Variants in TECPR2 observed in about 807,000 individuals in gnomAD.
TECPR2 encodes the protein tectonin beta-propeller repeat-containing protein 2.
Under a neutral mutation model 138.1 loss-of-function variants are expected in TECPR2, and 65 were observed. That is an observed-to-expected ratio of 0.47 (90% confidence interval 0.39 to 0.58). TECPR2 has a LOEUF of 0.58. TECPR2 is among the 20% of genes least tolerant of loss of function. The probability of loss-of-function intolerance (pLI) is 0.00; values close to 1 mark genes in which losing one functional copy is unlikely to be tolerated. For synonymous variants in TECPR2, 746 were observed against 749.8 expected (o/e 0.99, Z 0.08); for missense variants, 1,553 against 1,824.5 (o/e 0.85, Z 2.71).
intron 17 of TECPR2, among the ~76,000 whole-genome samples, chr14:102,487,552 T>C (rs1002594594): frequency 5.9e-5 from 9 of 152,050 alleles, no homozygotes; most frequent in Non-Finnish European, 1.0e-4. Flanking sequence ...TTTCTTTTCT[T>C]TTTTTTTGAG....
At chr14:102,465,732 G>T in intron 17 of TECPR2, 1 of 874,388 alleles carries the variant, frequency 1.1e-6, no homozygotes, top group Non-Finnish European at 1.4e-6. Context: ...TCCGTTTCCT[G>T]TCCAGCCCAC....
intron 17 of TECPR2, among the ~76,000 whole-genome samples, chr14:102,482,838 C>CTTTTT (rs758301929): frequency 0.014 from 1,335 of 96,384 alleles, 3 homozygotes; most frequent in East Asian, 0.023. Context: ...AGAAGCCTTT[C>CTTTTT]TTTTTTTTTT....
rs1334478379 is a variant in TECPR2 at position 102,443,684 on chromosome 14, G to A, written c.2790G>A (p.Lys930=). The A allele has an allele frequency of 5.0e-6, 8 of 1,607,324 alleles. No homozygotes were observed. The highest frequency in any genetic ancestry group is 6.8e-6 in the Non-Finnish European group (8 of 1,175,200). ...ATCGCCCTTGTGCCAGAGCCGTAAA[G>A]GTGGACTGTCCCTACCCGCTGTCCC... is the stretch of plus-strand genomic sequence containing the variant. ...SVDRPCARAV[K]VDCPYPLSQI... Residue 930 remains lysine, a synonymous_variant, in exon 12 of 20, where the codon AAG becomes AAA. Transcript: ENST00000359520. This position sits in a 1 kb window ranked among gnomAD's most constrained non-coding sequence, Gnocchi z 4.9.
chr14:102,476,853 A>G lies in TECPR2; in HGVS notation c.3789+11564A>G, dbSNP rs949624340. Among the ~76,000 whole-genome samples the G allele has an allele frequency of 5.3e-5, 8 of 152,062 alleles. No homozygotes were observed. In the South Asian group the frequency reaches 1.7e-3, roughly 32 times the overall value. On this transcript the variant is annotated intron_variant, in intron 17 of 19. Transcript: ENST00000359520. The stretch of plus-strand genomic sequence containing the variant: ...GCAGATTGCCTGAGCCCAGGAGTTC[A>G]AGACCAGCCTAAGCAACATGGCAAA...
intron 16 of TECPR2, among the ~76,000 whole-genome samples, chr14:102,453,339 G>A (rs1265064163): frequency 1.3e-5 from 2 of 148,848 alleles, no homozygotes; most frequent in Non-Finnish European, 2.9e-5. Flanking sequence ...AATTAGGTGG[G>A]CGTGGCAGTG....
chr14:102,470,820 G>GTT (rs58304399), intron 17 of TECPR2, among the ~76,000 whole-genome samples: 4 of 123,774 alleles, frequency 3.2e-5, no homozygotes, highest in Admixed American at 1.6e-4. Flanking sequence ...TGTTTCTTGT[G>GTT]TTTTTTTTTT....
At position 102,493,053 on chromosome 14, in the gene TECPR2, TTCTC is replaced by T. The variant is rs1166095960; in HGVS notation, c.3790-3924_3790-3921del. Among the ~76,000 whole-genome samples the T allele has an allele frequency of 2.6e-5, 4 of 152,368 alleles. No individual in the cohort carries two copies. In the East Asian group the frequency reaches 5.8e-4, roughly 22 times the overall value. ...ACCGTGCTGCTTCCAGCGCCCATCT[TTCTC>T]TATCTGGAGACCCCTCAGAGACTCC... is the stretch of plus-strand genomic sequence containing the variant. On this transcript the variant is annotated intron_variant, in intron 17 of 19. Transcript: ENST00000359520.
chr14:102,485,550 T>C (rs28550567), intron 17 of TECPR2, among the ~76,000 whole-genome samples: 6,226 of 152,192 alleles, frequency 0.041, 352 homozygotes, highest in African/African-American at 0.13. Context: ...GACCACAGGG[T>C]TCTAACGGGG....
At position 102,498,977 on chromosome 14, in the gene TECPR2, C is replaced by A; in HGVS notation, c.*720C>A. ...CAGCACACCTCACCACACAACACAC[C>A]ACACCCCACACCGCACTGCACCGCA... On this transcript the variant is annotated 3_prime_UTR_variant, in exon 20 of 20. Transcript: ENST00000359520. 1.4e-6 allele frequency: 1 copy of A among 697,082 alleles called. No individual in the cohort carries two copies. Among genetic ancestry groups the A allele is most frequent in the Non-Finnish European group, 2.6e-6 (1 of 381,936 alleles). 43.2% of individuals were successfully genotyped at this position (697,082 alleles called of 1,614,324 possible). A position where few individuals can be genotyped will look rare whatever the true frequency, so the allele number is the denominator to read the frequency against.
At chr14:102,427,091 A>G (rs1228768033) in intron 6 of TECPR2, among the ~76,000 whole-genome samples, 1 of 151,880 alleles carries the variant, frequency 6.6e-6, no homozygotes, top group Non-Finnish European at 1.5e-5. Context: ...TTTCCTGTAA[A>G]ATGGGGTGGG....
At chr14:102,485,254 TC>T (rs1890998148) in intron 17 of TECPR2, among the ~76,000 whole-genome samples, 1 of 152,250 alleles carries the variant, frequency 6.6e-6, no homozygotes, top group South Asian at 2.1e-4. Flanking sequence ...TGTAAGTTGT[TC>T]CGTCAGCACA....
At chr14:102,441,958 A>C (rs1025229167) in intron 11 of TECPR2, among the ~76,000 whole-genome samples, 1 of 152,116 alleles carries the variant, frequency 6.6e-6, no homozygotes, top group Non-Finnish European at 1.5e-5. Flanking sequence ...CAGGCGTTTA[A>C]TGTTGTTGAT....
chr14:102,476,177 A>AGCCT (rs1392844103), intron 17 of TECPR2, among the ~76,000 whole-genome samples: 1 of 135,364 alleles, frequency 7.4e-6, no homozygotes, highest in Non-Finnish European at 1.5e-5. Flanking sequence ...ACTGCACTCC[A>AGCCT]GCCTGGGCAA....
chr14:102,497,083 G>A lies in TECPR2; in HGVS notation c.3894G>A (p.Glu1298=), dbSNP rs754258113. Residue 1298 remains glutamate, a synonymous_variant, in exon 18 of 20, where the codon GAG becomes GAA. Coordinates refer to ENST00000359520, the MANE Select transcript of TECPR2 (RefSeq NM_014844.5). The part of the protein sequence containing the change: ...WNVHVRTGIT[E]EMPVGTAWEH... ...TGCACGTGCGGACCGGGATCACCGA[G>A]GAGATGCCTGTGGGGACCGCCTGGG... 1.2e-6 allele frequency: 2 copies of A among 1,613,184 alleles called. No homozygotes were observed. Among genetic ancestry groups the A allele is most frequent in the Non-Finnish European group, 1.7e-6 (2 of 1,180,028 alleles).
At chr14:102,395,717 G>A (rs1888297157) in intron 2 of TECPR2, among the ~76,000 whole-genome samples, 1 of 152,144 alleles carries the variant, frequency 6.6e-6, no homozygotes, top group African/African-American at 2.4e-5. Context: ...AGAATTGCTT[G>A]AACCCGGGAG....
At chr14:102,486,950 T>TA (rs1891040611) in intron 17 of TECPR2, among the ~76,000 whole-genome samples, 1 of 152,118 alleles carries the variant, frequency 6.6e-6, no homozygotes, top group South Asian at 2.1e-4. Context: ...AGTCAGAAAG[T>TA]ACAGCTACCA....
rs760649340 is a variant in TECPR2 at position 102,432,021 on chromosome 14, G to C, written c.1310G>C (p.Ser437Thr). The C allele has an allele frequency of 1.9e-6, 3 of 1,612,924 alleles. No individual in the cohort carries two copies. The highest frequency in any genetic ancestry group is 2.5e-6 in the Non-Finnish European group (3 of 1,179,962). Reference protein sequence around the residue: ...LQATPELGKGSQPLSQRFNAI... With the variant: ...LQATPELGKGTQPLSQRFNAI... ...GCCACCCCTGAGCTGGGCAAGGGCA[G>C]CCAGCCCCTGTCACAGAGATTCAAC... The change falls in exon 8 of 20, where the codon AGC (serine) becomes ACC (threonine). Residue 437 changes from serine (S) to threonine (T), a missense_variant. Coordinates refer to ENST00000359520, the MANE Select transcript of TECPR2 (RefSeq NM_014844.5).
At chr14:102,381,249 C>A (rs1363786014) in intron 2 of TECPR2, among the ~76,000 whole-genome samples, 1 of 152,220 alleles carries the variant, frequency 6.6e-6, no homozygotes, top group African/African-American at 2.4e-5. Context: ...CTGTGAGCCA[C>A]TGCGCCTGGC....
chr14:102,424,867 T>C, intron 5 of TECPR2, 112 bp from the exon 6 acceptor site: 2 of 1,094,800 alleles, frequency 1.8e-6, no homozygotes, highest in Non-Finnish European at 2.6e-6. Flanking sequence ...AAATCAATTA[T>C]TGTCTTAGCC....
Sources: allele counts gnomAD v4.1 joint callset (sites outside exome capture counted in the v4.1 genomes callset), GRCh38; gene constraint gnomAD v4.1.1; non-coding constraint Gnocchi (gnomAD v3.1); transcripts MANE v1.5; gene names NCBI Gene and HGNC (gene_info 2026-07-23, HGNC 2026-07-21).